Variants in CNNM2 observed in about 807,000 individuals in gnomAD.
The protein encoded by CNNM2 is metal transporter CNNM2.
CNNM2 carries 12 observed loss-of-function variants against 66.9 expected under a neutral mutation model. The observed-to-expected ratio is 0.18, with a 90% CI of 0.11 to 0.29. The LOEUF is 0.29. Ranked by LOEUF, CNNM2 falls within the 10% of genes least tolerant of loss-of-function variation. CNNM2 has a pLI of 1.00. For synonymous variants in CNNM2, 557 were observed against 501.8 expected (o/e 1.11, Z -1.47); for missense variants, 705 against 1,167.7 (o/e 0.60, Z 5.77).
intron 2 of CNNM2, among the ~76,000 whole-genome samples, chr10:103,051,654 C>T (rs1026304693): frequency 3.9e-5 from 6 of 152,004 alleles, no homozygotes; most frequent in African/African-American, 7.3e-5. Flanking sequence ...GCAGGATAAT[C>T]GCTTGAACCC....
At chr10:103,074,775 A>G (rs528120780) in intron 6 of CNNM2, among the ~76,000 whole-genome samples, 1 of 152,318 alleles carries the variant, frequency 6.6e-6, no homozygotes, top group African/African-American at 2.4e-5. Context: ...TTGAAGCTAC[A>G]GTGAGCCAAG....
chr10:102,978,883 T>C (rs2063678963), intron 1 of CNNM2, among the ~76,000 whole-genome samples: 1 of 152,228 alleles, frequency 6.6e-6, no homozygotes, highest in South Asian at 2.1e-4. Context: ...ATGTACTGTA[T>C]TGAGTCTGGC....
rs763476614 is a variant in CNNM2 at position 103,076,279 on chromosome 10, C to T, written c.2418+9C>T. ...ATCTGCAGTTTGTTAAGGTGAGAGACGTGAGTGCAGTGTGGCTGGACCTGG... is the reference window on the plus strand; with the variant it reads ...ATCTGCAGTTTGTTAAGGTGAGAGATGTGAGTGCAGTGTGGCTGGACCTGG... On this transcript the variant is annotated intron_variant, in intron 7 of 7. Transcript: ENST00000369878. 21 of 1,554,254 alleles carry T rather than the reference C, an allele frequency of 1.4e-5. No individual in the cohort carries two copies. Among genetic ancestry groups the T allele is most frequent in the Middle Eastern group, 1.7e-4 (1 of 5,946 alleles).
chr10:103,089,581 C>T lies in CNNM2; in HGVS notation c.*12401C>T. On this transcript the variant is annotated 3_prime_UTR_variant, in exon 8 of 8. Transcript: ENST00000369878. ...TACCTTTCATGGAGCCCCCTCCCTC[C>T]CCCGAGTAGAACCCTAACAGGGACC... is the stretch of plus-strand genomic sequence containing the variant. 1.4e-6 allele frequency: 2 copies of T among 1,438,386 alleles called. No homozygotes were observed. The highest frequency in any genetic ancestry group is 1.8e-6 in the Non-Finnish European group (2 of 1,094,248). The allele number at this position is 1,438,386 out of a possible 1,614,324, so 89.1% of individuals were successfully genotyped here.
Position 103,077,160 on chromosome 10 carries a change from C to T in CNNM2, c.2608C>T (p.His870Tyr). Residue 870 changes from histidine to tyrosine, a missense_variant, in exon 8 of 8, where the codon CAC (histidine) becomes TAC (tyrosine). Physicochemically the swap from His to Tyr is moderately conservative, Grantham distance 83 (BLOSUM62 2). This residue lies in a region of CNNM2 where 194 missense variants were observed against 227.6 expected (regional missense o/e 0.85). Coordinates refer to ENST00000369878, the MANE Select transcript of CNNM2 (RefSeq NM_017649.5). The part of the protein sequence containing the change: ...VTHSKANHSL[H>Y]NEGAI ...GCACAGTAAGGCCAACCACAGCCTGCACAACGAAGGCGCCATCTAGGCCGC... is the reference window on the plus strand; with the variant it reads ...GCACAGTAAGGCCAACCACAGCCTGTACAACGAAGGCGCCATCTAGGCCGC... 6.2e-7 allele frequency: 1 copy of T among 1,613,326 alleles called. No homozygotes were observed. Among genetic ancestry groups the T allele is most frequent in the African/African-American group, 1.3e-5 (1 of 75,044 alleles).
intron 1 of CNNM2, among the ~76,000 whole-genome samples, chr10:102,997,767 G>A (rs1207245418): frequency 6.6e-6 from 1 of 152,064 alleles, no homozygotes; most frequent in Non-Finnish European, 1.5e-5. Context: ...ACAATATTAA[G>A]CAAGAAAGAT....
In CNNM2 at chr10:102,919,347, C is replaced by A. The variant is rs759040233; in HGVS notation, c.867C>A (p.Ile289=). The change falls in exon 1 of 8, where the codon ATC becomes ATA. Residue 289 remains isoleucine (I), a synonymous_variant. Coordinates refer to ENST00000369878, the MANE Select transcript of CNNM2 (RefSeq NM_017649.5). ...LMALDPMELR[I]VQNCGTEKEK... The stretch of plus-strand genomic sequence containing the variant: ...CCCTGGACCCGATGGAGCTGCGCAT[C>A]GTGCAGAACTGCGGCACGGAGAAGG... 1.1e-5 allele frequency: 18 copies of A among 1,613,370 alleles called. No homozygotes were observed. The highest frequency in any genetic ancestry group is 7.6e-6 in the Non-Finnish European group (9 of 1,180,040).
chr10:102,990,388 T>C (rs1332618337), intron 1 of CNNM2, among the ~76,000 whole-genome samples: 1 of 152,118 alleles, frequency 6.6e-6, no homozygotes, highest in Non-Finnish European at 1.5e-5. Flanking sequence ...GATAAGCAAT[T>C]GTAGGGATTT....
At chr10:102,969,025 C>T (rs1322560233) in intron 1 of CNNM2, among the ~76,000 whole-genome samples, 3 of 151,550 alleles carry the variant, frequency 2.0e-5, no homozygotes, top group Non-Finnish European at 2.9e-5. Context: ...GTAATCCTCC[C>T]ACTTAAACTT....
chr10:102,940,539 C>T (rs1483705802), intron 1 of CNNM2, among the ~76,000 whole-genome samples: 1 of 151,090 alleles, frequency 6.6e-6, no homozygotes, highest in East Asian at 1.9e-4. Flanking sequence ...CTGTCTCAGC[C>T]TCCCAAGTAG....
At chr10:102,974,189 G>T (rs2063589512) in intron 1 of CNNM2, among the ~76,000 whole-genome samples, 2 of 152,220 alleles carry the variant, frequency 1.3e-5, no homozygotes, top group Non-Finnish European at 2.9e-5. Context: ...GGTGTAGTAT[G>T]TGTGGCCCCA....
At chr10:103,010,172 A>G (rs2064313329) in intron 1 of CNNM2, among the ~76,000 whole-genome samples, 1 of 152,184 alleles carries the variant, frequency 6.6e-6, no homozygotes, top group African/African-American at 2.4e-5. Context: ...ATATAGAAAC[A>G]TGTTCATATA....
At chr10:103,038,099 C>G (rs941756237) in intron 1 of CNNM2, among the ~76,000 whole-genome samples, 10 of 152,146 alleles carry the variant, frequency 6.6e-5, no homozygotes, top group African/African-American at 2.2e-4. Context: ...CTTAGCCTCC[C>G]AAAGTGCAGG....
At chr10:102,937,911 C>T (rs1390495553) in intron 1 of CNNM2, among the ~76,000 whole-genome samples, 1 of 151,912 alleles carries the variant, frequency 6.6e-6, no homozygotes, top group African/African-American at 2.4e-5. Flanking sequence ...AGGCATGAGC[C>T]ACTGCACCCA....
chr10:103,035,671 G>T (rs2064923730), intron 1 of CNNM2, among the ~76,000 whole-genome samples: 1 of 152,190 alleles, frequency 6.6e-6, no homozygotes, highest in Non-Finnish European at 1.5e-5. Flanking sequence ...TCTGGCTAAA[G>T]TATCTGGCAG....
At chr10:102,951,163 T>C (rs1322689456) in intron 1 of CNNM2, among the ~76,000 whole-genome samples, 1 of 151,736 alleles carries the variant, frequency 6.6e-6, no homozygotes, top group African/African-American at 2.4e-5. Flanking sequence ...AATTTTTGTA[T>C]TTTTTTAGTA....
intron 1 of CNNM2, among the ~76,000 whole-genome samples, chr10:102,940,231 G>A (rs938556680): frequency 5.9e-5 from 9 of 151,904 alleles, no homozygotes; most frequent in African/African-American, 1.7e-4. Context: ...TGGGATTACA[G>A]GTGTGAGCCA....
chr10:103,012,648 T>TC (rs1177741064), intron 1 of CNNM2, among the ~76,000 whole-genome samples: 1 of 151,256 alleles, frequency 6.6e-6, no homozygotes, highest in East Asian at 1.9e-4. Flanking sequence ...ACTTTTTTTT[T>TC]TTTTTTTTTT....
At chr10:103,075,261 AG>A (rs2065669905) in intron 6 of CNNM2, among the ~76,000 whole-genome samples, 2 of 152,242 alleles carry the variant, frequency 1.3e-5, no homozygotes, top group Admixed American at 1.3e-4. Context: ...AGACCTGGCC[AG>A]GGTGGGCACA....
Sources: allele counts gnomAD v4.1 joint callset (sites outside exome capture counted in the v4.1 genomes callset), GRCh38; gene constraint gnomAD v4.1.1; regional missense constraint gnomAD v4.1.1; transcripts MANE v1.5; gene names NCBI Gene and HGNC (gene_info 2026-07-23, HGNC 2026-07-21).